The following GIPC1 variants were observed in gnomAD, a reference collection of about 807,000 sequenced individuals.
GIPC1 encodes GIPC PDZ domain containing family member 1, also known as PDZ domain-containing protein GIPC1.
A neutral mutation model predicts 28.5 loss-of-function variants in GIPC1; 15 were observed. That is an observed-to-expected ratio of 0.53 (90% CI 0.35 to 0.81). The LOEUF is 0.81. Among genes scored for constraint, GIPC1 ranks in the 30% least tolerant of loss-of-function variants. The pLI, the probability that GIPC1 is intolerant of heterozygous loss-of-function variation, is 0.01. For missense variants in GIPC1, 439 were observed against 481.9 expected (o/e 0.91, Z 0.83); for synonymous variants, 224 against 206.1 (o/e 1.09, Z -0.74).
chr19:14,477,998 A>C lies in GIPC1; in HGVS notation c.*418T>G. On this transcript the variant is annotated 3_prime_UTR_variant, in exon 9 of 9. Transcript: ENST00000393033. ...GGCATTATTGCATTTGCTGGGGGGA[A>C]GGACAACCCTCTCCCCTGTATTCCC... 5.9e-6 allele frequency: 1 copy of C among 168,320 alleles called. No individual in the cohort carries two copies. Among genetic ancestry groups the C allele is most frequent in the Non-Finnish European group, 1.3e-5 (1 of 77,652 alleles). The allele number at this position is 168,320 out of a possible 1,614,324, so 10.4% of individuals were successfully genotyped here.
At chr19:14,492,106 CA>C (rs2146493728) in intron 2 of GIPC1, among the ~76,000 whole-genome samples, 1 of 152,134 alleles carries the variant, frequency 6.6e-6, no homozygotes, top group South Asian at 2.1e-4. Context: ...ATCATCCCTC[CA>C]ATTCCGCCAG....
chr19:14,494,102 G>A (rs1432884426), intron 1 of GIPC1, among the ~76,000 whole-genome samples: 1 of 152,180 alleles, frequency 6.6e-6, no homozygotes, highest in African/African-American at 2.4e-5. Context: ...TGGGCTTACA[G>A]GCGTGCGCCA....
In GIPC1 at chr19:14,482,737, C is replaced by T; in HGVS notation, c.240G>A (p.Lys80=). Residue 80 remains lysine (K), a synonymous_variant, in exon 4 of 9, where the codon AAG becomes AAA. Coordinates refer to ENST00000393033, the MANE Select transcript of GIPC1 (RefSeq NM_005716.4). ...CCTCGGCGATCTTGCCATACAGCTC[C>T]TTGACGTTGGTGAAGCCCTCGATGC... ...TGRIEGFTNV[K]ELYGKIAEAF... 1 of 1,611,680 alleles carries T rather than the reference C, an allele frequency of 6.2e-7. No individual in the cohort carries two copies. Among genetic ancestry groups the T allele is most frequent in the Non-Finnish European group, 8.5e-7 (1 of 1,179,940 alleles).
chr19:14,486,083 T>C (rs945962171), intron 3 of GIPC1, among the ~76,000 whole-genome samples: 4 of 152,048 alleles, frequency 2.6e-5, no homozygotes, highest in African/African-American at 7.2e-5. Flanking sequence ...AGGTGATCTT[T>C]CTCTGTTGCC....
At position 14,482,806 on chromosome 19, in the gene GIPC1, G is replaced by A. The variant is rs759006821; in HGVS notation, c.171C>T (p.Arg57=). 6.3e-7 allele frequency: 1 copy of A among 1,599,422 alleles called. No individual in the cohort carries two copies. The highest frequency in any genetic ancestry group is 1.7e-5 in the Admixed American group (1 of 58,070). ...GGGCCAGCTGGGTGTGGAACACGAG[G>A]CGGGGCCGCAGGGCTGGGGGAGGGG... The part of the protein sequence containing the change: ...LPPPPPALRP[R]LVFHTQLAHG... Residue 57 remains arginine, a synonymous_variant, in exon 4 of 9, where the codon CGC becomes CGT. Coordinates refer to ENST00000393033, the MANE Select transcript of GIPC1 (RefSeq NM_005716.4).
chr19:14,479,698 T>G, intron 6 of GIPC1, 174 bp from the exon 7 acceptor site: 1 of 431,330 alleles, frequency 2.3e-6, no homozygotes, highest in South Asian at 5.5e-5. Flanking sequence ...GACTCAGGCC[T>G]GGCATGGATG....
rs1335231025 is a variant in GIPC1, at chr19:14,485,093, G to C, written c.-30-2087C>G. Among the ~76,000 whole-genome samples, 13 of 152,218 alleles carry C rather than the reference G, an allele frequency of 8.5e-5. 1 individual carries two copies. In the East Asian group the frequency reaches 2.3e-3, roughly 27 times the overall value. On this transcript the variant is annotated intron_variant, in intron 3 of 8. Transcript: ENST00000393033. The stretch of plus-strand genomic sequence containing the variant: ...GAGAATCGCTTGAACCTGGGAGGCA[G>C]AGATTGCAGTGAGCTGAGATTGCAC...
intron 3 of GIPC1, among the ~76,000 whole-genome samples, chr19:14,486,677 A>AT (rs993190723): frequency 3.6e-5 from 5 of 140,692 alleles, no homozygotes; most frequent in Non-Finnish European, 3.1e-5. Flanking sequence ...CACCACATAC[A>AT]TTTTTTTTCT....
chr19:14,482,957 C>T lies in GIPC1; in HGVS notation c.20G>A (p.Arg7Gln), dbSNP rs752334098. The T allele has an allele frequency of 3.5e-5, 57 of 1,611,678 alleles. No homozygotes were observed. Among genetic ancestry groups the T allele is most frequent in the African/African-American group, 6.7e-5 (5 of 74,938 alleles). Residue 7 changes from arginine (R) to glutamine (Q), a missense_variant, in exon 4 of 9, where the codon CGG becomes CAG. Physicochemically the swap from Arg to Gln is conservative, Grantham distance 43. Coordinates refer to ENST00000393033, the MANE Select transcript of GIPC1 (RefSeq NM_005716.4). MPLGLG[R>Q]RKKAPPLVEN... is the part of the protein sequence containing the mutation. The stretch of plus-strand genomic sequence containing the variant: ...CACTAGAGGGGGCGCCTTTTTCCGC[C>T]GCCCCAGTCCCAGCGGCATGAGCAG...
In GIPC1 at chr19:14,487,685, C is replaced by CTTTT. The variant is rs34048955; in HGVS notation, c.-31+3967_-31+3970dup. Among the ~76,000 whole-genome samples, 51 of 130,498 alleles carry CTTTT rather than the reference C, an allele frequency of 3.9e-4. 2 individuals carry two copies. Among genetic ancestry groups the CTTTT allele is most frequent in the East Asian group, 2.3e-3 (11 of 4,752 alleles). The allele number at this position is 130,498 out of a possible 152,430, so 85.6% of individuals were successfully genotyped here. A position where few individuals can be genotyped will look rare whatever the true frequency, so the allele number is the denominator to read the frequency against. ...AATATAAATTTTTTCCTTTATTTTC[C>CTTTT]TTTTTTTTTTTGACAGAGTCTTGCT... On this transcript the variant is annotated intron_variant, in intron 3 of 8. Coordinates refer to ENST00000393033, the MANE Select transcript of GIPC1 (RefSeq NM_005716.4).
In GIPC1 at chr19:14,480,776, C is replaced by G; in HGVS notation, c.291G>C (p.Val97=). ...AEAFRLPTAE[V]MFCTLNTHKV... is the part of the protein sequence containing the mutation. The stretch of plus-strand genomic sequence containing the variant: ...TGTGGGTGTTCAGGGTGCAGAACAT[C>G]ACCTGCAGGGGTGGGAGACGCTGAA... Residue 97 remains valine (V), a splice_region_variant and synonymous_variant, in exon 5 of 9, where the codon GTG becomes GTC. Coordinates refer to ENST00000393033, the MANE Select transcript of GIPC1 (RefSeq NM_005716.4). 2 of 1,609,000 alleles carry G rather than the reference C, an allele frequency of 1.2e-6. No individual in the cohort carries two copies. Among genetic ancestry groups the G allele is most frequent in the Non-Finnish European group, 1.7e-6 (2 of 1,175,956 alleles).
Position 14,480,613 on chromosome 19 carries a change from C to T in GIPC1, c.454G>A (p.Ala152Thr), listed in dbSNP as rs1477574103. 2.5e-6 allele frequency: 4 copies of T among 1,613,932 alleles called. No individual in the cohort carries two copies. The highest frequency in any genetic ancestry group is 2.7e-5 in the African/African-American group (2 of 74,944). Residue 152 changes from alanine to threonine, a missense_variant, in exon 5 of 9, where the codon GCT (alanine) becomes ACT (threonine). Ala to Thr is a moderately conservative substitution (Grantham distance 58, BLOSUM62 0). Coordinates refer to ENST00000393033, the MANE Select transcript of GIPC1 (RefSeq NM_005716.4). The part of the protein sequence containing the change: ...ALGLTITDNG[A>T]GYAFIKRIKE... ...GGCACCTTGATGAAGGCGTAGCCAGCCCCGTTGTCCGTGATGGTGAGCCCG... is the reference window on the plus strand; with the variant it reads ...GGCACCTTGATGAAGGCGTAGCCAGTCCCGTTGTCCGTGATGGTGAGCCCG...
rs1276282671 is a variant in GIPC1, at chr19:14,480,402, C to G, written c.558G>C (p.Leu186=). The G allele has an allele frequency of 1.7e-5, 28 of 1,613,388 alleles. No homozygotes were observed. Among genetic ancestry groups the G allele is most frequent in the Non-Finnish European group, 2.4e-5 (28 of 1,179,828 alleles). ...DMIEAINGQS[L]LGCRHYEVAR... Reference sequence around the variant, plus strand: ...CCACCTCGTAGTGCCGGCAGCCCAGCAGGCTCTGCCCGTTAATGGCCTCGA... The same window carrying G: ...CCACCTCGTAGTGCCGGCAGCCCAGGAGGCTCTGCCCGTTAATGGCCTCGA... Residue 186 remains leucine (L), a synonymous_variant, in exon 6 of 9, where the codon CTG becomes CTC. Coordinates refer to ENST00000393033, the MANE Select transcript of GIPC1 (RefSeq NM_005716.4).
intron 3 of GIPC1, among the ~76,000 whole-genome samples, chr19:14,486,274 A>G (rs2071841455): frequency 6.6e-6 from 1 of 152,204 alleles, no homozygotes; most frequent in Admixed American, 6.6e-5. Context: ...GGAGGCTGAA[A>G]GCGACTACGC....
chr19:14,493,717 T>G (rs947545517), intron 1 of GIPC1, among the ~76,000 whole-genome samples: 20 of 152,186 alleles, frequency 1.3e-4, no homozygotes, highest in Admixed American at 5.2e-4. Flanking sequence ...TGGAGTGCAA[T>G]GGCGCGATCT....
Position 14,496,058 on chromosome 19 carries a change from C to CGCCGCCGCCGCCGCCGCT in GIPC1, c.-214_-197dup. ...TCACCTGCTCCGCCGCCGCCGCCGC[C>CGCCGCCGCCGCCGCCGCT]GCCGCCGCCGCCGCCGCTGCCTCCG... On this transcript the variant is annotated 5_prime_UTR_variant, in exon 1 of 9. Transcript: ENST00000393033. 4.0e-6 allele frequency: 1 copy of CGCCGCCGCCGCCGCCGCT among 249,136 alleles called. No individual in the cohort carries two copies. 15.4% of individuals were successfully genotyped at this position (249,136 alleles called of 1,614,324 possible).
chr19:14,482,626 G>T, intron 4 of GIPC1, 63 bp downstream of exon 4: 2 of 1,499,072 alleles, frequency 1.3e-6, no homozygotes, highest in Non-Finnish European at 1.8e-6. Flanking sequence ...TCATGAACAG[G>T]ATGCAGGCCC....
chr19:14,496,068 G>GCCGCCA lies in GIPC1; in HGVS notation c.-207_-206insTGGCGG. 4.1e-6 allele frequency: 1 copy of GCCGCCA among 246,628 alleles called. No individual in the cohort carries two copies. The highest frequency in any genetic ancestry group is 7.6e-6 in the Non-Finnish European group (1 of 131,982). 15.3% of individuals were successfully genotyped at this position (246,628 alleles called of 1,614,324 possible). On this transcript the variant is annotated 5_prime_UTR_variant, in exon 1 of 9. Transcript: ENST00000393033. Reference sequence around the variant, plus strand: ...CGCCGCCGCCGCCGCCGCCGCCGCCGCCGCCGCTGCCTCCGCCTCCCCGTG... The same window carrying GCCGCCA: ...CGCCGCCGCCGCCGCCGCCGCCGCCGCCGCCACCGCCGCTGCCTCCGCCTCCCCGTG...
rs1455166735 is a variant in GIPC1 at position 14,478,215 on chromosome 19, G to T, written c.*201C>A. 8.7e-6 allele frequency: 5 copies of T among 574,742 alleles called. No individual in the cohort carries two copies. The highest frequency in any genetic ancestry group is 8.6e-5 in the East Asian group (3 of 34,706). The allele number at this position is 574,742 out of a possible 1,614,324, so 35.6% of individuals were successfully genotyped here. A position where few individuals can be genotyped will look rare whatever the true frequency, so the allele number is the denominator to read the frequency against. On this transcript the variant is annotated 3_prime_UTR_variant, in exon 9 of 9. Coordinates refer to ENST00000393033, the MANE Select transcript of GIPC1 (RefSeq NM_005716.4). This position sits in a 1 kb window ranked among gnomAD's most constrained non-coding sequence, Gnocchi z 5.2. ...GGGAACAGGGCACAGGGGGGCCGGG[G>T]ACCCCGGCCAGACTGGGAACCAGGG...
Sources: allele counts gnomAD v4.1 joint callset (sites outside exome capture counted in the v4.1 genomes callset), GRCh38; gene constraint gnomAD v4.1.1; non-coding constraint Gnocchi (gnomAD v3.1); transcripts MANE v1.5; gene names NCBI Gene and HGNC (gene_info 2026-07-23, HGNC 2026-07-21).